ILKAP: variants seen among roughly 807,000 people sequenced by gnomAD.
ILKAP encodes the protein ILK associated serine/threonine phosphatase.
In ILKAP, 11 loss-of-function variants were observed where a neutral mutation model predicts 49.1. The observed-to-expected ratio is 0.22, with a 90% CI of 0.14 to 0.37. The LOEUF is 0.37. Ranked by LOEUF, ILKAP falls within the 10% of genes least tolerant of loss-of-function variation. The pLI is 1.00. For missense variants in ILKAP, 363 were observed against 510.8 expected, an observed-to-expected ratio of 0.71 and a Z score of 2.79; for synonymous variants, 186 against 192.8, an observed-to-expected ratio of 0.96 and a Z score of 0.29.
At chr2:238,196,235 C>T (rs1349754950) in intron 1 of ILKAP, among the ~76,000 whole-genome samples, 3 of 151,848 alleles carry the variant, frequency 2.0e-5, no homozygotes, top group East Asian at 1.9e-4. Flanking sequence ...AGATCACAGG[C>T]GCACACCACC....
chr2:238,200,295 T>G (rs1254312282), intron 1 of ILKAP, among the ~76,000 whole-genome samples: 1 of 152,218 alleles, frequency 6.6e-6, no homozygotes, highest in Non-Finnish European at 1.5e-5. Flanking sequence ...AACTACTAAT[T>G]TAGCAAAATA....
intron 3 of ILKAP, among the ~76,000 whole-genome samples, chr2:238,191,153 CT>C (rs770071645): frequency 2.8e-3 from 395 of 142,040 alleles, no homozygotes; most frequent in African/African-American, 3.1e-3. Flanking sequence ...CACAAGGTGT[CT>C]TTTTTTTTTT....
chr2:238,184,893 T>C (rs1693841152), intron 6 of ILKAP, among the ~76,000 whole-genome samples: 1 of 152,182 alleles, frequency 6.6e-6, no homozygotes, highest in African/African-American at 2.4e-5. Context: ...AACACAGTGC[T>C]ATTTGAAGTT....
intron 1 of ILKAP, among the ~76,000 whole-genome samples, chr2:238,195,915 C>T (rs148801863): frequency 0.015 from 2,279 of 151,388 alleles, 45 homozygotes; most frequent in African/African-American, 0.046. Flanking sequence ...TGGTGGCAGG[C>T]GCCTGTAGTC....
In ILKAP at chr2:238,203,496, T is replaced by G; in HGVS notation, c.55+3A>C. Reference sequence around the variant, plus strand: ...TGGCCGGCCCGGCGGCAACGCCGCTTACCGGCAGCCGGGCGCGGCGAGCGC... The same window carrying G: ...TGGCCGGCCCGGCGGCAACGCCGCTGACCGGCAGCCGGGCGCGGCGAGCGC... On this transcript the variant is annotated splice_donor_region_variant and intron_variant, in intron 1 of 11. Transcript: ENST00000254654. The G allele has an allele frequency of 8.0e-7, 1 of 1,250,610 alleles. No homozygotes were observed. Among genetic ancestry groups the G allele is most frequent in the Non-Finnish European group, 1.0e-6 (1 of 985,272 alleles). The allele number at this position is 1,250,610 out of a possible 1,614,324, so 77.5% of individuals were successfully genotyped here. A position where few individuals can be genotyped will look rare whatever the true frequency, so the allele number is the denominator to read the frequency against.
At chr2:238,194,373 G>A (rs1320517097) in intron 2 of ILKAP, 42 bp from the exon 3 acceptor site, 1 of 1,589,650 alleles carries the variant, frequency 6.3e-7, no homozygotes, top group African/African-American at 1.3e-5. Context: ...CAAAAAATAT[G>A]TAAGACTTAA....
chr2:238,189,730 C>G, intron 4 of ILKAP, 123 bp downstream of exon 4: 1 of 838,408 alleles, frequency 1.2e-6, no homozygotes, highest in South Asian at 1.9e-5. Context: ...AAAAAGGGAA[C>G]CCTACTTATT....
rs1376912858 is a variant in ILKAP, at chr2:238,185,167, G to C, written c.532+14C>G. On this transcript the variant is annotated intron_variant, in intron 6 of 11. Coordinates refer to ENST00000254654, the MANE Select transcript of ILKAP (RefSeq NM_030768.3). The stretch of plus-strand genomic sequence containing the variant: ...ACCAATTTGAGTATCAACTGATTTA[G>C]TTCTCAGTCTCACCTTTAGGAAATT... The C allele has an allele frequency of 1.3e-6, 2 of 1,512,908 alleles. No individual in the cohort carries two copies. Among genetic ancestry groups the C allele is most frequent in the East Asian group, 4.5e-5 (2 of 44,420 alleles). The allele number at this position is 1,512,908 out of a possible 1,614,324, so 93.7% of individuals were successfully genotyped here.
chr2:238,203,100 C>T (rs888873353), intron 1 of ILKAP, among the ~76,000 whole-genome samples: 17 of 151,600 alleles, frequency 1.1e-4, no homozygotes, highest in Non-Finnish European at 2.5e-4. Flanking sequence ...AAGCCGCGGG[C>T]GGGCGACGCG....
At chr2:238,179,804 A>T (rs1693612994) in intron 9 of ILKAP, among the ~76,000 whole-genome samples, 1 of 152,224 alleles carries the variant, frequency 6.6e-6, no homozygotes, top group African/African-American at 2.4e-5. Flanking sequence ...AATATACAGA[A>T]ATAACACCGT....
intron 8 of ILKAP, 56 bp downstream of exon 8, chr2:238,183,597 G>A: frequency 1.6e-6 from 2 of 1,241,380 alleles, no homozygotes; most frequent in South Asian, 2.5e-5. Flanking sequence ...ACGTGCTAAA[G>A]TCTTTTCCCC....
At position 238,199,985 on chromosome 2, in the gene ILKAP, C is replaced by G. The variant is rs181450446; in HGVS notation, c.55+3514G>C. Among the ~76,000 whole-genome samples the G allele has an allele frequency of 4.7e-3, 713 of 152,154 alleles. 3 individuals carry two copies. The highest frequency in any genetic ancestry group is 0.019 in the South Asian group (92 of 4,826). On this transcript the variant is annotated intron_variant, in intron 1 of 11. Transcript: ENST00000254654. ...TTTTATTTCCTCCTCAACAACTGAC[C>G]ATCAATTTTTAAAGTACTAGTGTAG...
intron 3 of ILKAP, among the ~76,000 whole-genome samples, chr2:238,193,878 G>A (rs1694244725): frequency 1.3e-5 from 2 of 152,138 alleles, no homozygotes; most frequent in African/African-American, 4.8e-5. Flanking sequence ...ACTTAATTAG[G>A]ACATGAAAAG....
Position 238,176,135 on chromosome 2 carries a change from C to CTTTTTTTTTTTT in ILKAP, c.837-2494_837-2483dup, listed in dbSNP as rs55849458. Among the ~76,000 whole-genome samples the CTTTTTTTTTTTT allele has an allele frequency of 6.1e-5, 6 of 98,010 alleles. 3 individuals are homozygous for CTTTTTTTTTTTT. Among genetic ancestry groups the CTTTTTTTTTTTT allele is most frequent in the Non-Finnish European group, 3.7e-5 (2 of 54,760 alleles). The allele number at this position is 98,010 out of a possible 152,430, so 64.3% of individuals were successfully genotyped here. A position where few individuals can be genotyped will look rare whatever the true frequency, so the allele number is the denominator to read the frequency against. On this transcript the variant is annotated intron_variant, in intron 9 of 11. Transcript: ENST00000254654. ...AATTACAATGCTTAGCAAGTAGTGG[C>CTTTTTTTTTTTT]TTTTTTTTTTTTTTTTGAGACAGAG...
chr2:238,186,072 T>C (rs1693897051), intron 5 of ILKAP: 1 of 152,222 alleles, frequency 6.6e-6, no homozygotes, highest in African/African-American at 2.4e-5. Flanking sequence ...AAGTTATTTA[T>C]CGAAAACAGT....
chr2:238,198,321 C>T (rs1694430600), intron 1 of ILKAP, among the ~76,000 whole-genome samples: 1 of 151,916 alleles, frequency 6.6e-6, no homozygotes, highest in South Asian at 2.1e-4. Flanking sequence ...TCACTGCAGC[C>T]CCAACCTTCT....
chr2:238,180,401 T>A (rs1270311810), intron 9 of ILKAP, among the ~76,000 whole-genome samples: 3 of 152,226 alleles, frequency 2.0e-5, no homozygotes, highest in African/African-American at 7.2e-5. Context: ...GATGCATGCT[T>A]AAGTATTTAG....
intron 1 of ILKAP, among the ~76,000 whole-genome samples, chr2:238,200,905 T>G (rs904400646): frequency 2.4e-4 from 37 of 152,258 alleles, no homozygotes; most frequent in African/African-American, 8.4e-4. Context: ...CTGTACTAAT[T>G]TGTACAGTAA....
chr2:238,184,894 A>T (rs890269485), intron 6 of ILKAP, among the ~76,000 whole-genome samples: 2 of 152,130 alleles, frequency 1.3e-5, no homozygotes, highest in Non-Finnish European at 2.9e-5. Context: ...ACACAGTGCT[A>T]TTTGAAGTTG....
Sources: allele counts gnomAD v4.1 joint callset (sites outside exome capture counted in the v4.1 genomes callset), GRCh38; gene constraint gnomAD v4.1.1; transcripts MANE v1.5; gene names NCBI Gene and HGNC (gene_info 2026-07-23, HGNC 2026-07-21).